PCNX1: variants seen among roughly 807,000 people sequenced by gnomAD.
PCNX1 encodes the protein pecanex 1.
In PCNX1, 78 loss-of-function variants were observed where a neutral mutation model predicts 242.2. The ratio of observed to expected loss-of-function variants is 0.32; its 90% CI spans 0.27 to 0.39. The LOEUF is 0.39. Among genes scored for constraint, PCNX1 ranks in the 10% least tolerant of loss-of-function variants. The pLI, the probability that PCNX1 is intolerant of heterozygous loss-of-function variation, is 1.00. For synonymous variants in PCNX1, 1,024 were observed against 1,032.9 expected, an observed-to-expected ratio of 0.99 and a Z score of 0.17; for missense variants, 2,581 against 2,856.5, an observed-to-expected ratio of 0.90 and a Z score of 2.20.
At chr14:70,991,354 G>A (rs534950605) in intron 7 of PCNX1, among the ~76,000 whole-genome samples, 16 of 152,062 alleles carry the variant, frequency 1.1e-4, no homozygotes, top group African/African-American at 2.9e-4. Context: ...ACAGGTGCCC[G>A]CCACCATGCC....
chr14:70,925,394 A>G (rs2056550233), intron 1 of PCNX1, among the ~76,000 whole-genome samples: 1 of 152,154 alleles, frequency 6.6e-6, no homozygotes, highest in African/African-American at 2.4e-5. Context: ...CCTTACTTTA[A>G]TGGGAATTCT....
chr14:71,008,655 CAAAAAAAAAAA>C (rs777494885), intron 8 of PCNX1, among the ~76,000 whole-genome samples: 7 of 32,754 alleles, frequency 2.1e-4, no homozygotes, highest in East Asian at 1.7e-3. Context: ...GACTCTGTCT[CAAAAAAAAAAA>C]AAAAAAAAAA....
intron 20 of PCNX1, 32 bp downstream of exon 20, chr14:71,045,315 A>T (rs905205343): frequency 1.3e-6 from 2 of 1,489,780 alleles, no homozygotes; most frequent in African/African-American, 1.4e-5. Flanking sequence ...TTTCTTTTTA[A>T]TACTATGAGT....
Position 71,047,851 on chromosome 14 carries a change from G to A in PCNX1, c.4205G>A (p.Arg1402Gln). 5 of 1,612,542 alleles carry A rather than the reference G, an allele frequency of 3.1e-6. No homozygotes were observed. Among genetic ancestry groups the A allele is most frequent in the Non-Finnish European group, 4.2e-6 (5 of 1,178,972 alleles). Reference protein sequence around the residue: ...MITVAGLKLLRSSFSSPTYQY... With the variant: ...MITVAGLKLLQSSFSSPTYQY... ...ACTGTTGCTGGTTTGAAGTTGCTAC[G>A]ATCCTCTTTTAGCAGCCCTACATAT... The change falls in exon 22 of 36, where the codon CGA (arginine) becomes CAA (glutamine). Residue 1402 changes from arginine to glutamine, a missense_variant. Around this residue, in one of 9 missense-constraint regions of PCNX1, gnomAD observed 432 missense variants for 443.1 expected, o/e 0.97. Transcript: ENST00000304743.
At chr14:70,993,723 A>G (rs1016540603) in intron 7 of PCNX1, among the ~76,000 whole-genome samples, 1 of 152,184 alleles carries the variant, frequency 6.6e-6, no homozygotes, top group Non-Finnish European at 1.5e-5. Context: ...TTGAGTACGT[A>G]TTTTGTAAAA....
At chr14:71,099,034 C>T (rs529524473) in intron 30 of PCNX1, among the ~76,000 whole-genome samples, 6 of 152,226 alleles carry the variant, frequency 3.9e-5, no homozygotes, top group East Asian at 1.9e-4. Flanking sequence ...CATTTCTTTA[C>T]GCAAAAGTCA....
At chr14:70,963,281 A>G (rs1052866182) in intron 3 of PCNX1, among the ~76,000 whole-genome samples, 8 of 152,146 alleles carry the variant, frequency 5.3e-5, no homozygotes, top group African/African-American at 1.9e-4. Flanking sequence ...TCTTTTGCAG[A>G]TGAGTACTTA....
At chr14:70,963,911 T>C (rs1380936132) in intron 3 of PCNX1, among the ~76,000 whole-genome samples, 3 of 152,226 alleles carry the variant, frequency 2.0e-5, no homozygotes, top group Non-Finnish European at 2.9e-5. Flanking sequence ...ATCATGCGGC[T>C]CATTCGGACT....
At chr14:71,066,865 A>G (rs538930663) in intron 26 of PCNX1, among the ~76,000 whole-genome samples, 2 of 152,320 alleles carry the variant, frequency 1.3e-5, no homozygotes, top group African/African-American at 4.8e-5. Flanking sequence ...TATTGAGATA[A>G]TCATATAGTT....
intron 1 of PCNX1, among the ~76,000 whole-genome samples, chr14:70,937,705 A>G (rs1421299644): frequency 1.3e-5 from 2 of 152,200 alleles, no homozygotes; most frequent in East Asian, 3.8e-4. Context: ...ATGGCATTGA[A>G]TCTATAAATT....
intron 12 of PCNX1, among the ~76,000 whole-genome samples, chr14:71,020,805 C>G (rs534288794): frequency 6.6e-6 from 1 of 152,238 alleles, no homozygotes; most frequent in East Asian, 1.9e-4. Context: ...GTTGCCATTG[C>G]TTTGGTGTTT....
chr14:71,108,736 T>C lies in PCNX1; in HGVS notation c.6434T>C (p.Phe2145Ser), dbSNP rs1162712896. Residue 2145 changes from phenylalanine (F) to serine (S), a missense_variant, in exon 34 of 36, where the codon TTT becomes TCT. Transcript: ENST00000304743. ...TCCCTCCGGATGTCCACCACTGGGT[T>C]TGTGCCTTGTCGGCGCTCTTCTACT... ...HSSLRMSTTGFVPCRRSSTSQ... is the reference protein window; with the variant it reads ...HSSLRMSTTGSVPCRRSSTSQ... 1 of 1,614,110 alleles carries C rather than the reference T, an allele frequency of 6.2e-7. No homozygotes were observed. Among genetic ancestry groups the C allele is most frequent in the Non-Finnish European group, 8.5e-7 (1 of 1,180,042 alleles).
At chr14:70,996,796 C>G (rs2140347967) in intron 8 of PCNX1, among the ~76,000 whole-genome samples, 1 of 152,118 alleles carries the variant, frequency 6.6e-6, no homozygotes, top group East Asian at 1.9e-4. Flanking sequence ...CATGATAATC[C>G]AGTTACTGTT....
chr14:70,985,374 C>T (rs1356910634), intron 6 of PCNX1, among the ~76,000 whole-genome samples: 2 of 152,024 alleles, frequency 1.3e-5, no homozygotes, highest in African/African-American at 4.8e-5. Context: ...GCCACCACAC[C>T]CGCTAATTTT....
intron 5 of PCNX1, among the ~76,000 whole-genome samples, chr14:70,971,984 G>A (rs2058555565): frequency 6.6e-6 from 1 of 152,114 alleles, no homozygotes; most frequent in Non-Finnish European, 1.5e-5. Flanking sequence ...GAATCACTCC[G>A]GCTCCTATTT....
At chr14:70,923,269 C>G (rs2056448945) in intron 1 of PCNX1, among the ~76,000 whole-genome samples, 1 of 152,096 alleles carries the variant, frequency 6.6e-6, no homozygotes, top group Non-Finnish European at 1.5e-5. Flanking sequence ...ATAGTATTCA[C>G]ATTTACCAGT....
In PCNX1 at chr14:71,102,224, A is replaced by C; in HGVS notation, c.5820+4A>C. 1 of 1,598,936 alleles carries C rather than the reference A, an allele frequency of 6.3e-7. No homozygotes were observed. The highest frequency in any genetic ancestry group is 8.6e-7 in the Non-Finnish European group (1 of 1,166,166). On this transcript the variant is annotated splice_donor_region_variant and intron_variant, in intron 31 of 35. Transcript: ENST00000304743. ...CCTGAGCTTCAGGGTCATTAAAGTA[A>C]GTGTTTGAGGTATTTATTTGGTCCA...
In PCNX1 at chr14:71,016,148, A is replaced by G. The variant is rs554265586; in HGVS notation, c.2997-2861A>G. The stretch of plus-strand genomic sequence containing the variant: ...TAAAGTAGACTTCAGAACAAAGAAT[A>G]TTACCAAGGATAAAGAAGCCCATTT... On this transcript the variant is annotated intron_variant, in intron 11 of 35. Transcript: ENST00000304743. Among the ~76,000 whole-genome samples, 3 of 152,370 alleles carry G rather than the reference A, an allele frequency of 2.0e-5. No individual in the cohort carries two copies. The South Asian group carries it at 6.2e-4, about 32-fold the overall frequency.
intron 1 of PCNX1, among the ~76,000 whole-genome samples, chr14:70,943,168 G>A (rs1173272838): frequency 6.6e-6 from 1 of 152,184 alleles, no homozygotes; most frequent in Admixed American, 6.5e-5. Context: ...TTGGTACCAG[G>A]TAGTGGGGCA....
Sources: gnomAD v4.1 joint callset for allele counts (sites outside exome capture counted in the v4.1 genomes callset) on GRCh38, gnomAD v4.1.1 for gene constraint, gnomAD v4.1.1 regional missense constraint, MANE v1.5 for transcripts, NCBI Gene and HGNC (gene_info 2026-07-23, HGNC 2026-07-21) for gene names.